OXNAD1: variants seen among roughly 807,000 people sequenced by gnomAD.
OXNAD1 encodes oxidoreductase NAD binding domain containing 1.
Under a neutral mutation model 32.9 loss-of-function variants are expected in OXNAD1, and 34 were observed. That is an observed-to-expected ratio of 1.03 (90% CI 0.79 to 1.38). The LOEUF is 1.38. OXNAD1 is among the 40% of genes most tolerant of loss of function. The pLI is 0.00. For missense variants in OXNAD1, 407 were observed against 379.4 expected (o/e 1.07, Z -0.60); for synonymous variants, 134 against 135.2 (o/e 0.99, Z 0.06).
intron 9 of OXNAD1, among the ~76,000 whole-genome samples, chr3:16,333,114 A>G (rs2070489815): frequency 6.6e-6 from 1 of 152,248 alleles, no homozygotes; most frequent in Non-Finnish European, 1.5e-5. Context: ...TTTGTAAAGC[A>G]CATCATAGCA....
rs556916431 is a variant in OXNAD1 at position 16,284,354 on chromosome 3, G to A, written c.184-1988G>A. Among the ~76,000 whole-genome samples the A allele has an allele frequency of 1.6e-4, 24 of 152,176 alleles. No individual in the cohort carries two copies. Among genetic ancestry groups the A allele is most frequent in the Middle Eastern group, 3.4e-3 (1 of 294 alleles). On this transcript the variant is annotated intron_variant, in intron 4 of 8. Transcript: ENST00000285083. The surrounding 1 kb of genome is among the most constrained non-coding windows in gnomAD (Gnocchi z 4.1). ...CTGACGGGGATGTTTTGATAAATGT[G>A]TCATTAGCTGATTGTCATTGTGCAG... is the stretch of plus-strand genomic sequence containing the variant.
Position 16,335,002 on chromosome 3 carries a change from G to A in OXNAD1, c.*31-2110G>A, listed in dbSNP as rs761838572. ...CAGCTTCCAGAAGCTGGCAATGGTCGGTAACAGATTGTCTCCTAAAAGTCT... is the reference window on the plus strand; with the variant it reads ...CAGCTTCCAGAAGCTGGCAATGGTCAGTAACAGATTGTCTCCTAAAAGTCT... On this transcript the variant is annotated intron_variant, in intron 9 of 9. Coordinates refer to the OXNAD1 transcript ENST00000435829. The surrounding 1 kb of genome is among the most constrained non-coding windows in gnomAD (Gnocchi z 4.7). Among the ~76,000 whole-genome samples, 7 of 152,178 alleles carry A rather than the reference G, an allele frequency of 4.6e-5. No individual in the cohort carries two copies. The highest frequency in any genetic ancestry group is 7.3e-5 in the Non-Finnish European group (5 of 68,030).
intron 5 of OXNAD1, among the ~76,000 whole-genome samples, chr3:16,291,728 A>G (rs1487591082): frequency 6.6e-6 from 1 of 152,224 alleles, no homozygotes; most frequent in African/African-American, 2.4e-5. Flanking sequence ...GAGTGAACAT[A>G]CAGTTTCACC....
At position 16,300,057 on chromosome 3, in the gene OXNAD1, A is replaced by G. The variant is rs146473274; in HGVS notation, c.433-1569A>G. On this transcript the variant is annotated intron_variant, in intron 6 of 8. Transcript: ENST00000285083. ...GAATTTAAGGGACTTGCTGGATTTC[A>G]TAGGGGCTATGATTAAAATTCAGTC... Among the ~76,000 whole-genome samples, 6 of 152,288 alleles carry G rather than the reference A, an allele frequency of 3.9e-5. No homozygotes were observed. The East Asian group carries it at 9.6e-4, about 24-fold the overall frequency.
At chr3:16,276,931 T>C (rs892002049) in intron 4 of OXNAD1, among the ~76,000 whole-genome samples, 1 of 151,148 alleles carries the variant, frequency 6.6e-6, no homozygotes, top group Non-Finnish European at 1.5e-5. Context: ...CTTTCTTTTT[T>C]TTTTTTTTTG....
At chr3:16,319,616 T>C (rs1396170106) in intron 9 of OXNAD1, among the ~76,000 whole-genome samples, 1 of 152,222 alleles carries the variant, frequency 6.6e-6, no homozygotes, top group Non-Finnish European at 1.5e-5. Flanking sequence ...CTGCTCTTGC[T>C]AAATAACAGA....
intron 9 of OXNAD1, among the ~76,000 whole-genome samples, chr3:16,343,526 C>T (rs1221880389): frequency 2.6e-5 from 4 of 152,232 alleles, no homozygotes; most frequent in African/African-American, 9.6e-5. Flanking sequence ...TTCACCTGTA[C>T]CCTAGAGTCT....
At position 16,304,294 on chromosome 3, in the gene OXNAD1, T is replaced by G. The variant is rs1484592462; in HGVS notation, c.*732T>G. ...AAAGGCATTGGTGATGTGTTCCATG[T>G]TGAATCTGCCTTCAGTGCCTGGGCT... On this transcript the variant is annotated 3_prime_UTR_variant, in exon 9 of 9. Transcript: ENST00000285083. This position sits in a 1 kb window ranked among gnomAD's most constrained non-coding sequence, Gnocchi z 4.6. 4 of 152,318 alleles carry G rather than the reference T, an allele frequency of 2.6e-5. No homozygotes were observed. Among genetic ancestry groups the G allele is most frequent in the Non-Finnish European group, 5.9e-5 (4 of 68,060 alleles). The allele number at this position is 152,318 out of a possible 1,614,324, so 9.4% of individuals were successfully genotyped here. A position where few individuals can be genotyped will look rare whatever the true frequency, so the allele number is the denominator to read the frequency against.
At position 16,302,486 on chromosome 3, in the gene OXNAD1, C is replaced by T. The variant is rs556893568; in HGVS notation, c.676-154C>T. Among the ~76,000 whole-genome samples the T allele has an allele frequency of 6.6e-6, 1 of 152,198 alleles. No individual in the cohort carries two copies. Among genetic ancestry groups the T allele is most frequent in the South Asian group, 2.1e-4 (1 of 4,830 alleles). The stretch of plus-strand genomic sequence containing the variant: ...AATAGCCCTCTGTAGTCTGAATGCT[C>T]TGGCCTGCTAGGCTGCAAACAATAT... On this transcript the variant is annotated intron_variant, in intron 7 of 8. Coordinates refer to ENST00000285083, the MANE Select transcript of OXNAD1 (RefSeq NM_138381.5). The surrounding 1 kb of genome is among the most constrained non-coding windows in gnomAD (Gnocchi z 4.2).
In OXNAD1 at chr3:16,301,709, C is replaced by T. The variant is rs769769739; in HGVS notation, c.516C>T (p.Leu172=). Residue 172 remains leucine, a synonymous_variant, in exon 7 of 9, where the codon CTC becomes CTT. Transcript: ENST00000285083. This position sits in a 1 kb window ranked among gnomAD's most constrained non-coding sequence, Gnocchi z 4.1. ...AGCCTGCGGATGCCTCTAGAAACCT[C>T]GTGTTGATTGCAGGAGGAGTCGGAA... ...DPQPADASRN[L]VLIAGGVGIN... is the part of the protein sequence containing the mutation. The T allele has an allele frequency of 4.0e-5, 64 of 1,614,002 alleles. No homozygotes were observed. Among genetic ancestry groups the T allele is most frequent in the Non-Finnish European group, 5.1e-5 (60 of 1,179,984 alleles).
chr3:16,294,283 AC>A, intron 5 of OXNAD1, among the ~76,000 whole-genome samples: 1 of 151,978 alleles, frequency 6.6e-6, no homozygotes, highest in South Asian at 2.1e-4. Flanking sequence ...GCTCACTGCA[AC>A]ATCCACCTCC....
intron 9 of OXNAD1, among the ~76,000 whole-genome samples, chr3:16,332,299 T>C (rs1053501255): frequency 5.3e-5 from 8 of 152,076 alleles, no homozygotes; most frequent in Non-Finnish European, 1.0e-4. Flanking sequence ...TTTCTTACTC[T>C]TTTAATTTTG....
intron 4 of OXNAD1, among the ~76,000 whole-genome samples, chr3:16,273,046 A>T (rs1248619758): frequency 6.6e-6 from 1 of 152,184 alleles, no homozygotes; most frequent in Admixed American, 6.5e-5. Flanking sequence ...GTATGTATAC[A>T]AATTTCATTT....
chr3:16,274,310 G>A (rs2065173390), intron 4 of OXNAD1, among the ~76,000 whole-genome samples: 1 of 151,948 alleles, frequency 6.6e-6, no homozygotes, highest in Admixed American at 6.6e-5. Flanking sequence ...TATGTATTAT[G>A]ATGGTTAGTG....
intron 9 of OXNAD1, among the ~76,000 whole-genome samples, chr3:16,324,631 T>G (rs746359862): frequency 1.7e-5 from 2 of 120,234 alleles, no homozygotes; most frequent in Non-Finnish European, 1.7e-5. Flanking sequence ...CCTTTTAAGG[T>G]TGCATAGTAT....
chr3:16,304,437 C>CT lies in OXNAD1; in HGVS notation c.*877dup, dbSNP rs2067402202. The stretch of plus-strand genomic sequence containing the variant: ...GAATTGTTCTTGGCACCAGCAGCTC[C>CT]TTAACATATAGTTGTTGAATGACTG... On this transcript the variant is annotated 3_prime_UTR_variant, in exon 9 of 9. Coordinates refer to ENST00000285083, the MANE Select transcript of OXNAD1 (RefSeq NM_138381.5). This position sits in a 1 kb window ranked among gnomAD's most constrained non-coding sequence, Gnocchi z 4.6. The CT allele has an allele frequency of 6.6e-6, 1 of 152,200 alleles. No individual in the cohort carries two copies. Among genetic ancestry groups the CT allele is most frequent in the East Asian group, 1.9e-4 (1 of 5,198 alleles). The allele number at this position is 152,200 out of a possible 1,614,324, so 9.4% of individuals were successfully genotyped here.
In OXNAD1 at chr3:16,317,073, G is replaced by C. The variant is rs200246402; in HGVS notation, c.*30+13481G>C. 3 of 1,613,840 alleles carry C rather than the reference G, an allele frequency of 1.9e-6. No homozygotes were observed. The highest frequency in any genetic ancestry group is 2.5e-6 in the Non-Finnish European group (3 of 1,179,994). ...TCGGAGACTCCACCCTCCTGCTGCT[G>C]TCCTGAAACACAGTTTCCCATGTCT... is the stretch of plus-strand genomic sequence containing the variant. On this transcript the variant is annotated intron_variant, in intron 9 of 9. Coordinates refer to the OXNAD1 transcript ENST00000435829. The surrounding 1 kb of genome is among the most constrained non-coding windows in gnomAD (Gnocchi z 4.3).
intron 4 of OXNAD1, chr3:16,276,340 ATT>A (rs970282420): frequency 3.9e-4 from 68 of 174,158 alleles, no homozygotes; most frequent in South Asian, 1.3e-3. Context: ...TCTTCTGTGA[ATT>A]TTTTTTTTTT....
intron 6 of OXNAD1, among the ~76,000 whole-genome samples, chr3:16,296,744 C>T (rs1415515534): frequency 6.6e-6 from 1 of 152,012 alleles, no homozygotes; most frequent in Non-Finnish European, 1.5e-5. Context: ...AACTTTTCAA[C>T]AAAAGTTCTG....
Sources: gnomAD v4.1 joint callset for allele counts (sites outside exome capture counted in the v4.1 genomes callset) on GRCh38, gnomAD v4.1.1 for gene constraint, Gnocchi (gnomAD v3.1) non-coding constraint, MANE v1.5 for transcripts, NCBI Gene and HGNC (gene_info 2026-07-23, HGNC 2026-07-21) for gene names.